The following SLC44A4 variants were observed in gnomAD, a reference collection of about 807,000 sequenced individuals.
SLC44A4 encodes solute carrier family 44 member 4.
SLC44A4 carries 74 observed loss-of-function variants against 97.0 expected under a neutral mutation model. The observed-to-expected ratio is 0.76, with a 90% CI of 0.63 to 0.93. SLC44A4 has a LOEUF of 0.93. Ranked by LOEUF, SLC44A4 falls within the 40% of genes least tolerant of loss-of-function variation. The pLI is 0.00. For missense variants in SLC44A4, 799 were observed against 902.9 expected (o/e 0.88, Z 1.48); for synonymous variants, 325 against 363.8 (o/e 0.89, Z 1.21).
Position 31,864,990 on chromosome 6 carries a change from C to G in SLC44A4, c.1831+20G>C. On this transcript the variant is annotated intron_variant, in intron 18 of 20. Coordinates refer to ENST00000229729, the MANE Select transcript of SLC44A4 (RefSeq NM_025257.3). ...GCCCAGCACCCCTACCCTCTGTCCC[C>G]ACAGCTTCTGGTCCCTTACCCACGC... is the stretch of plus-strand genomic sequence containing the variant. The G allele has an allele frequency of 6.2e-7, 1 of 1,614,088 alleles. No homozygotes were observed. The highest frequency in any genetic ancestry group is 1.3e-5 in the African/African-American group (1 of 75,038).
In SLC44A4 at chr6:31,877,022, C is replaced by A; in HGVS notation, c.89+12G>T. On this transcript the variant is annotated intron_variant, in intron 2 of 20. Transcript: ENST00000229729. The surrounding 1 kb of genome is among the most constrained non-coding windows in gnomAD (Gnocchi z 6.5). ...ACCCCCGCCAGCCCCCGGAGCAGTG[C>A]CCAGAGCTCACCTGTTCTTGATGGG... The A allele has an allele frequency of 6.2e-7, 1 of 1,606,968 alleles. No individual in the cohort carries two copies. The highest frequency in any genetic ancestry group is 8.5e-7 in the Non-Finnish European group (1 of 1,177,788).
At chr6:31,868,782 CA>C (rs1762990346) in intron 13 of SLC44A4, among the ~76,000 whole-genome samples, 1 of 146,470 alleles carries the variant, frequency 6.8e-6, no homozygotes, top group African/African-American at 2.6e-5. Flanking sequence ...GGCAACAGAG[CA>C]AGACCCTGTC....
intron 20 of SLC44A4, 53 bp from the exon 21 acceptor site, chr6:31,863,801 G>A (rs1762689340): frequency 4.4e-6 from 7 of 1,607,270 alleles, no homozygotes; most frequent in African/African-American, 1.3e-5. Flanking sequence ...GGAAATCGGG[G>A]ACTGGGAGGC....
rs1763328405 is a variant in SLC44A4 at position 31,874,354 on chromosome 6, C to T, written c.529+106G>A. On this transcript the variant is annotated intron_variant, in intron 7 of 20. Coordinates refer to ENST00000229729, the MANE Select transcript of SLC44A4 (RefSeq NM_025257.3). This position sits in a 1 kb window ranked among gnomAD's most constrained non-coding sequence, Gnocchi z 4.8. ...GACCTGATGCTAATTCCAATTTTGC[C>T]ACCAACAAGCTATGTGACTTCACTC... is the stretch of plus-strand genomic sequence containing the variant. 7 of 1,309,420 alleles carry T rather than the reference C, an allele frequency of 5.3e-6. No homozygotes were observed. Among genetic ancestry groups the T allele is most frequent in the Non-Finnish European group, 6.5e-6 (6 of 918,746 alleles). The allele number at this position is 1,309,420 out of a possible 1,614,324, so 81.1% of individuals were successfully genotyped here. A position where few individuals can be genotyped will look rare whatever the true frequency, so the allele number is the denominator to read the frequency against.
chr6:31,870,625 C>T lies in SLC44A4; in HGVS notation c.1015G>A (p.Ala339Thr), dbSNP rs777084071. The T allele has an allele frequency of 1.4e-5, 23 of 1,604,468 alleles. No homozygotes were observed. The highest frequency in any genetic ancestry group is 3.4e-5 in the Admixed American group (2 of 59,042). The change falls in exon 11 of 21, where the codon GCC (alanine) becomes ACC (threonine). Residue 339 changes from alanine (A) to threonine (T), a missense_variant. Ala to Thr is a moderately conservative substitution (Grantham distance 58). This residue lies in a region of SLC44A4 where 409 missense variants were observed against 434.1 expected (regional missense o/e 0.94). Coordinates refer to ENST00000229729, the MANE Select transcript of SLC44A4 (RefSeq NM_025257.3). ...AACTTGCTGGCCTCCTTCAGGAGGGCGATGGCAATACGAATCCGCTGCCGC... is the reference window on the plus strand; with the variant it reads ...AACTTGCTGGCCTCCTTCAGGAGGGTGATGGCAATACGAATCCGCTGCCGC... ...FLRQRIRIAI[A>T]LLKEASKAVG...
At chr6:31,864,788 TGGAGCA>T in intron 19 of SLC44A4, 22 bp downstream of exon 19, 1 of 1,612,508 alleles carries the variant, frequency 6.2e-7, no homozygotes, top group Non-Finnish European at 8.5e-7. Flanking sequence ...GAGTTGGGGG[TGGAGCA>T]GCAGAGAGGG....
rs1055429515 is a variant in SLC44A4, at chr6:31,874,351, T to C, written c.529+109A>G. The C allele has an allele frequency of 2.5e-6, 3 of 1,214,448 alleles. No homozygotes were observed. The highest frequency in any genetic ancestry group is 1.5e-5 in the African/African-American group (1 of 67,054). 75.2% of individuals were successfully genotyped at this position (1,214,448 alleles called of 1,614,324 possible). The stretch of plus-strand genomic sequence containing the variant: ...GAAGACCTGATGCTAATTCCAATTT[T>C]GCCACCAACAAGCTATGTGACTTCA... On this transcript the variant is annotated intron_variant, in intron 7 of 20. Coordinates refer to ENST00000229729, the MANE Select transcript of SLC44A4 (RefSeq NM_025257.3). The surrounding 1 kb of genome is among the most constrained non-coding windows in gnomAD (Gnocchi z 4.8).
In SLC44A4 at chr6:31,865,971, G is replaced by A. The variant is rs759574542; in HGVS notation, c.1389C>T (p.Cys463=). 3.0e-5 allele frequency: 48 copies of A among 1,614,224 alleles called. No homozygotes were observed. Among genetic ancestry groups the A allele is most frequent in the African/African-American group, 1.3e-4 (10 of 75,056 alleles). Residue 463 remains cysteine (C), a synonymous_variant, in exon 14 of 21, where the codon TGC becomes TGT. Coordinates refer to ENST00000229729, the MANE Select transcript of SLC44A4 (RefSeq NM_025257.3). This position sits in a 1 kb window ranked among gnomAD's most constrained non-coding sequence, Gnocchi z 5.2. ...TLNWVLALGQ[C]VLAGAFASFY... The stretch of plus-strand genomic sequence containing the variant: ...AGGAGGCAAAGGCTCCAGCGAGGAC[G>A]CATTGGCCCAGGGCCAGTACCCAGT...
At chr6:31,870,751 C>T (rs753783612) in intron 10 of SLC44A4, 49 bp from the exon 11 acceptor site, 28 of 1,611,428 alleles carry the variant, frequency 1.7e-5, no homozygotes, top group South Asian at 5.5e-5. Context: ...GGGCTGGGGC[C>T]GGGCATGGCC....
In SLC44A4 at chr6:31,876,671, C is replaced by T. The variant is rs143403438; in HGVS notation, c.89+363G>A. On this transcript the variant is annotated intron_variant, in intron 2 of 20. Transcript: ENST00000229729. The surrounding 1 kb of genome is among the most constrained non-coding windows in gnomAD (Gnocchi z 4.8). ...GGAGGATCACTTGAGCACAGGAGTTCGAGCCTGCAGTGAACCCCCATCTCC... is the reference window on the plus strand; with the variant it reads ...GGAGGATCACTTGAGCACAGGAGTTTGAGCCTGCAGTGAACCCCCATCTCC... Among the ~76,000 whole-genome samples the T allele has an allele frequency of 1.0e-3, 156 of 152,116 alleles. 2 individuals carry two copies. Among genetic ancestry groups the T allele is most frequent in the Admixed American group, 6.7e-3 (103 of 15,288 alleles).
chr6:31,874,947 T>C lies in SLC44A4; in HGVS notation c.324A>G (p.Leu108=), dbSNP rs1470901918. The C allele has an allele frequency of 6.2e-7, 1 of 1,613,738 alleles. No homozygotes were observed. The highest frequency in any genetic ancestry group is 8.5e-7 in the Non-Finnish European group (1 of 1,179,996). ...CTCTGACCTGGGGTGTGGGGCACTG[T>C]AGGCCGTTCTCAGCAACTGAGATGA... The part of the protein sequence containing the change: ...SNIISVAENG[L]QCPTPQVCVS... Residue 108 remains leucine, a synonymous_variant, in exon 5 of 21, where the codon CTA becomes CTG. Coordinates refer to ENST00000229729, the MANE Select transcript of SLC44A4 (RefSeq NM_025257.3). This position sits in a 1 kb window ranked among gnomAD's most constrained non-coding sequence, Gnocchi z 4.8.
intron 12 of SLC44A4, 68 bp from the exon 13 acceptor site, chr6:31,869,325 G>T: frequency 8.0e-7 from 1 of 1,249,226 alleles, no homozygotes; most frequent in Non-Finnish European, 1.1e-6. Flanking sequence ...TTAGGGACCT[G>T]TTCCTAGGTG....
intron 18 of SLC44A4, 23 bp downstream of exon 18, chr6:31,864,987 C>G: frequency 6.2e-7 from 1 of 1,614,030 alleles, no homozygotes; most frequent in Non-Finnish European, 8.5e-7. Flanking sequence ...TACCCTCTGT[C>G]CCCACAGCTT....
At position 31,878,846 on chromosome 6, in the gene SLC44A4, T is replaced by C; in HGVS notation, c.40+95A>G. On this transcript the variant is annotated intron_variant, in intron 1 of 20. Transcript: ENST00000229729. This position sits in a 1 kb window ranked among gnomAD's most constrained non-coding sequence, Gnocchi z 4.0. ...TCCCCTCAGGGACACAGTACTCTCC[T>C]TAGTTCCTCTCCCTGGAGCCAGCCC... 11 of 1,395,766 alleles carry C rather than the reference T, an allele frequency of 7.9e-6. No individual in the cohort carries two copies. The highest frequency in any genetic ancestry group is 1.0e-5 in the Non-Finnish European group (10 of 982,714). The allele number at this position is 1,395,766 out of a possible 1,614,324, so 86.5% of individuals were successfully genotyped here.
intron 7 of SLC44A4, among the ~76,000 whole-genome samples, chr6:31,873,560 G>A (rs1763286132): frequency 3.9e-5 from 6 of 151,962 alleles, no homozygotes; most frequent in Admixed American, 3.3e-4. Flanking sequence ...CACTTTGAGA[G>A]GCTGAGGTGG....
chr6:31,875,903 A>G lies in SLC44A4; in HGVS notation c.191T>C (p.Val64Ala), dbSNP rs1763414781. 1 of 1,613,574 alleles carries G rather than the reference A, an allele frequency of 6.2e-7. No individual in the cohort carries two copies. The highest frequency in any genetic ancestry group is 8.5e-7 in the Non-Finnish European group (1 of 1,179,852). The change falls in exon 4 of 21, where the codon GTC (valine) becomes GCC (alanine). Residue 64 changes from valine to alanine, a missense_variant. Around this residue, in one of 3 missense-constraint regions of SLC44A4, gnomAD observed 409 missense variants for 434.1 expected, o/e 0.94. Coordinates refer to ENST00000229729, the MANE Select transcript of SLC44A4 (RefSeq NM_025257.3). Reference sequence around the variant, plus strand: ...CCCAGTAGAGTTCCTGGGGTAGAGGACTTGCCGGGGGTCTCCATACAACCA... The same window carrying G: ...CCCAGTAGAGTTCCTGGGGTAGAGGGCTTGCCGGGGGTCTCCATACAACCA... ...VAWLYGDPRQ[V>A]LYPRNSTGAY...
In SLC44A4 at chr6:31,875,890, C is replaced by T; in HGVS notation, c.204G>A (p.Arg68=). The T allele has an allele frequency of 6.2e-7, 1 of 1,613,474 alleles. No individual in the cohort carries two copies. Among genetic ancestry groups the T allele is most frequent in the Admixed American group, 1.7e-5 (1 of 59,942 alleles). Reference sequence around the variant, plus strand: ...TGCCACAGTAGGCCCCAGTAGAGTTCCTGGGGTAGAGGACTTGCCGGGGGT... The same window carrying T: ...TGCCACAGTAGGCCCCAGTAGAGTTTCTGGGGTAGAGGACTTGCCGGGGGT... The part of the protein sequence containing the change: ...YGDPRQVLYP[R]NSTGAYCGMG... The change falls in exon 4 of 21, where the codon AGG becomes AGA. Residue 68 remains arginine (R), a synonymous_variant. Coordinates refer to ENST00000229729, the MANE Select transcript of SLC44A4 (RefSeq NM_025257.3).
Position 31,877,537 on chromosome 6 carries a change from C to T in SLC44A4, c.41-455G>A, listed in dbSNP as rs1383029944. 1.1e-6 allele frequency: 1 copy of T among 947,928 alleles called. No homozygotes were observed. Among genetic ancestry groups the T allele is most frequent in the African/African-American group, 1.8e-5 (1 of 56,770 alleles). 58.7% of individuals were successfully genotyped at this position (947,928 alleles called of 1,614,324 possible). On this transcript the variant is annotated intron_variant, in intron 1 of 20. Coordinates refer to ENST00000229729, the MANE Select transcript of SLC44A4 (RefSeq NM_025257.3). This position sits in a 1 kb window ranked among gnomAD's most constrained non-coding sequence, Gnocchi z 6.5. ...CCTCAGGGAGGTCATGGCCTCTTCC[C>T]CTATCTGCCCCAGGCCCTACCTTAC...
chr6:31,871,228 C>G (rs985392674), intron 9 of SLC44A4, 86 bp downstream of exon 9: 17 of 1,408,888 alleles, frequency 1.2e-5, no homozygotes, highest in Middle Eastern at 1.8e-4. Context: ...CTGTCCAAAG[C>G]CTGTGTTTCA....
Sources: allele counts gnomAD v4.1 joint callset (sites outside exome capture counted in the v4.1 genomes callset), GRCh38; gene constraint gnomAD v4.1.1; regional missense constraint gnomAD v4.1.1; non-coding constraint Gnocchi (gnomAD v3.1); transcripts MANE v1.5; gene names NCBI Gene and HGNC (gene_info 2026-07-23, HGNC 2026-07-21).